Variants in BSPH1 observed in about 807,000 individuals in gnomAD.
BSPH1 encodes the protein binder of sperm 1.
In BSPH1, 21 loss-of-function variants were observed where a neutral mutation model predicts 22.5. That is an observed-to-expected ratio of 0.93 (90% CI 0.66 to 1.35). BSPH1 has a LOEUF of 1.35. Ranked by LOEUF, BSPH1 falls within the 40% of genes most tolerant of loss-of-function variation. The pLI, the probability that BSPH1 is intolerant of heterozygous loss-of-function variation, is 0.00. For synonymous variants in BSPH1, 42 were observed against 53.6 expected (o/e 0.78, Z 0.95); for missense variants, 141 against 154.2 (o/e 0.91, Z 0.45).
At chr19:47,981,501 G>A (rs1969419506) in intron 1 of BSPH1, among the ~76,000 whole-genome samples, 1 of 152,204 alleles carries the variant, frequency 6.6e-6, no homozygotes, top group Non-Finnish European at 1.5e-5. Context: ...GGCAGGCATT[G>A]TTTCCATCAT....
chr19:47,991,901 C>A (rs1324376917), intron 1 of BSPH1, 108 bp downstream of exon 1: 5 of 676,436 alleles, frequency 7.4e-6, no homozygotes, highest in Middle Eastern at 2.6e-4. Context: ...CCCCTTCCTC[C>A]TCTTCTTTCA....
At chr19:47,972,943 C>T (rs899372242) in intron 5 of BSPH1, among the ~76,000 whole-genome samples, 28 of 150,448 alleles carry the variant, frequency 1.9e-4, no homozygotes, top group African/African-American at 6.6e-4. Flanking sequence ...GGCGGCCGGG[C>T]GCGGTGGCTC....
At chr19:47,984,221 A>AAT (rs541137006) in intron 1 of BSPH1, among the ~76,000 whole-genome samples, 1 of 147,150 alleles carries the variant, frequency 6.8e-6, no homozygotes, top group Non-Finnish European at 1.5e-5. Context: ...ATAAAATATA[A>AAT]ATATATATAT....
intron 1 of BSPH1, among the ~76,000 whole-genome samples, chr19:47,981,489 G>A (rs1042905613): frequency 1.3e-5 from 2 of 152,220 alleles, no homozygotes; most frequent in Non-Finnish European, 2.9e-5. Context: ...ACAATTTTGT[G>A]AGGCAGGCAT....
chr19:47,984,151 GAAAA>G (rs66621103), intron 1 of BSPH1, among the ~76,000 whole-genome samples: 23 of 138,662 alleles, frequency 1.7e-4, no homozygotes, highest in Non-Finnish European at 3.4e-4. Context: ...CTGGCTTGAA[GAAAA>G]AAAAAAAAAT....
At chr19:47,978,000 G>GGATA (rs1555731500) in intron 3 of BSPH1, among the ~76,000 whole-genome samples, 1 of 16,428 alleles carries the variant, frequency 6.1e-5, no homozygotes, top group East Asian at 1.1e-3. Context: ...GGTTAATACA[G>GGATA]GATATATATA....
chr19:47,976,409 G>A (rs2122244332), intron 5 of BSPH1, among the ~76,000 whole-genome samples: 1 of 151,964 alleles, frequency 6.6e-6, no homozygotes, highest in Admixed American at 6.6e-5. Context: ...TGGGATTATG[G>A]GCATAAGCCA....
chr19:47,977,209 A>G (rs1214166072), intron 4 of BSPH1, among the ~76,000 whole-genome samples, 164 bp downstream of exon 4: 3 of 152,210 alleles, frequency 2.0e-5, no homozygotes, highest in Non-Finnish European at 4.4e-5. Context: ...TAACATATCT[A>G]TGGTGCAATG....
chr19:47,990,951 A>G (rs1340433683), intron 1 of BSPH1, among the ~76,000 whole-genome samples: 3 of 152,210 alleles, frequency 2.0e-5, no homozygotes, highest in Non-Finnish European at 4.4e-5. Context: ...TTTCCAATTT[A>G]CATTCTTAGT....
chr19:47,986,521 T>C (rs1234722433), intron 1 of BSPH1, among the ~76,000 whole-genome samples: 2 of 152,044 alleles, frequency 1.3e-5, no homozygotes, highest in Non-Finnish European at 2.9e-5. Flanking sequence ...GGAGGACTGC[T>C]TGAACCCAGG....
At chr19:47,969,922 T>TGA (rs1034019912) in intron 5 of BSPH1, among the ~76,000 whole-genome samples, 10 of 149,866 alleles carry the variant, frequency 6.7e-5, no homozygotes, top group East Asian at 5.8e-4. Context: ...TTTATGTTTG[T>TGA]GAGAGAGAGA....
At chr19:47,978,026 A>ATATATATT (rs1969384086) in intron 3 of BSPH1, among the ~76,000 whole-genome samples, 1 of 145,930 alleles carries the variant, frequency 6.9e-6, no homozygotes, top group Non-Finnish European at 1.5e-5. Flanking sequence ...ATATATATAT[A>ATATATATT]TATAGTTATA....
At chr19:47,978,782 A>G (rs1969392483) in intron 3 of BSPH1, among the ~76,000 whole-genome samples, 1 of 152,234 alleles carries the variant, frequency 6.6e-6, no homozygotes, top group African/African-American at 2.4e-5. Context: ...GGCCATACAT[A>G]TATTTTCCAT....
chr19:47,971,378 G>T (rs192797466), intron 5 of BSPH1, among the ~76,000 whole-genome samples: 1 of 152,042 alleles, frequency 6.6e-6, no homozygotes, highest in Non-Finnish European at 1.5e-5. Flanking sequence ...GCTAGTTTTC[G>T]TATTTTTAGT....
At chr19:47,989,341 T>C (rs889893652) in intron 1 of BSPH1, among the ~76,000 whole-genome samples, 3 of 151,898 alleles carry the variant, frequency 2.0e-5, no homozygotes, top group Non-Finnish European at 4.4e-5. Context: ...AGACGGGGTT[T>C]CACCATGTTG....
In BSPH1 at chr19:47,976,807, A is replaced by C. The variant is rs750004307; in HGVS notation, c.304T>G (p.Trp102Gly). 12 of 1,551,564 alleles carry C rather than the reference A, an allele frequency of 7.7e-6. No individual in the cohort carries two copies. Among genetic ancestry groups the C allele is most frequent in the Non-Finnish European group, 9.6e-6 (11 of 1,146,924 alleles). Residue 102 changes from tryptophan to glycine, a missense_variant, in exon 5 of 6, where the codon TGG (tryptophan) becomes GGG (glycine). Physicochemically the swap from Trp to Gly is radical, Grantham distance 184 (BLOSUM62 -2). Transcript: ENST00000344839. ...GCTTCCCCATCATCAGTACACTCCC[A>C]GTAGATCAAGCGTCTGTACCAGAAG... Reference protein sequence around the residue: ...FPFWYRRLIYWECTDDGEAFG... With the variant: ...FPFWYRRLIYGECTDDGEAFG...
chr19:47,981,884 T>C (rs558736525), intron 1 of BSPH1: 1 of 224,016 alleles, frequency 4.5e-6, no homozygotes, highest in Admixed American at 6.5e-5. Context: ...TTTGTTACTT[T>C]GCATGGTTCC....
chr19:47,991,803 T>G (rs150378128), intron 1 of BSPH1, among the ~76,000 whole-genome samples: 1 of 61,256 alleles, frequency 1.6e-5, no homozygotes, highest in African/African-American at 5.6e-5. Flanking sequence ...CTTTCCCTCT[T>G]TCTCCCCTCC....
intron 3 of BSPH1, 117 bp downstream of exon 3, chr19:47,979,453 A>G: frequency 1.7e-6 from 1 of 579,986 alleles, no homozygotes; most frequent in Non-Finnish European, 3.0e-6. Flanking sequence ...CTTATGTTAC[A>G]TTTTATATAA....
Sources: gnomAD v4.1 joint callset for allele counts (sites outside exome capture counted in the v4.1 genomes callset) on GRCh38, gnomAD v4.1.1 for gene constraint, MANE v1.5 for transcripts, NCBI Gene and HGNC (gene_info 2026-07-23, HGNC 2026-07-21) for gene names.